The following DSCAM variants were observed in gnomAD, a reference collection of about 807,000 sequenced individuals.
DSCAM encodes the protein DS cell adhesion molecule, also known as cell adhesion molecule DSCAM.
In DSCAM, 47 loss-of-function variants were observed where a neutral mutation model predicts 217.7. The ratio of observed to expected loss-of-function variants is 0.22; its 90% CI spans 0.17 to 0.28. DSCAM has a LOEUF of 0.28. Among genes scored for constraint, DSCAM ranks in the 10% least tolerant of loss-of-function variants. The pLI is 1.00. For synonymous variants in DSCAM, 1,056 were observed against 1,015.3 expected, an observed-to-expected ratio of 1.04 and a Z score of -0.76; for missense variants, 2,080 against 2,618.3, an observed-to-expected ratio of 0.79 and a Z score of 4.49.
At chr21:40,613,316 A>G (rs1227707553) in intron 3 of DSCAM, among the ~76,000 whole-genome samples, 1 of 152,204 alleles carries the variant, frequency 6.6e-6, no homozygotes. Context: ...ACATTTGTCT[A>G]TGGTTTGTGC....
chr21:40,022,609 G>C (rs901578175), intron 32 of DSCAM, among the ~76,000 whole-genome samples: 2 of 152,144 alleles, frequency 1.3e-5, no homozygotes, highest in African/African-American at 2.4e-5. Context: ...TTTCTCCATT[G>C]GCACCCGCTG....
chr21:40,153,131 T>G (rs1329185873), intron 16 of DSCAM, among the ~76,000 whole-genome samples: 1 of 152,234 alleles, frequency 6.6e-6, no homozygotes, highest in Non-Finnish European at 1.5e-5. Context: ...GTGCGTTTTC[T>G]GCAGCCTCCC....
chr21:40,562,625 A>T (rs1347892449), intron 3 of DSCAM, among the ~76,000 whole-genome samples: 1 of 152,218 alleles, frequency 6.6e-6, no homozygotes, highest in Non-Finnish European at 1.5e-5. Context: ...TGAAAATAAC[A>T]GCTCATTAGA....
At chr21:40,558,470 T>C (rs1484734010) in intron 3 of DSCAM, among the ~76,000 whole-genome samples, 2 of 150,360 alleles carry the variant, frequency 1.3e-5, no homozygotes, top group Non-Finnish European at 3.0e-5. Context: ...AAAAAAATTA[T>C]CTAAGTTAAT....
At chr21:40,541,826 G>T (rs1331614838) in intron 3 of DSCAM, among the ~76,000 whole-genome samples, 3 of 152,122 alleles carry the variant, frequency 2.0e-5, no homozygotes, top group Admixed American at 1.3e-4. Context: ...AAAATGTATT[G>T]CACTGAAAGT....
intron 3 of DSCAM, among the ~76,000 whole-genome samples, chr21:40,656,337 C>G (rs2090076008): frequency 6.6e-6 from 1 of 152,100 alleles, no homozygotes; most frequent in Non-Finnish European, 1.5e-5. Flanking sequence ...CTTCAAAATC[C>G]TAATGTGAAA....
In DSCAM at chr21:40,821,097, T is replaced by G. The variant is rs530355273; in HGVS notation, c.43+25522A>C. Among the ~76,000 whole-genome samples the G allele has an allele frequency of 2.7e-3, 396 of 145,276 alleles. 1 individual carries two copies. The highest frequency in any genetic ancestry group is 9.2e-3 in the South Asian group (42 of 4,544). On this transcript the variant is annotated intron_variant, in intron 1 of 32. Transcript: ENST00000400454. Reference sequence around the variant, plus strand: ...ATAGATCTTCACATATATAGAGAGATATATATATCTTCACATATATATAGA... The same window carrying G: ...ATAGATCTTCACATATATAGAGAGAGATATATATCTTCACATATATATAGA...
rs200372759 is a variant in DSCAM at position 40,496,737 on chromosome 21, T to C, written c.509-127492A>G. Among the ~76,000 whole-genome samples the C allele has an allele frequency of 1.2e-4, 18 of 152,186 alleles. No individual in the cohort carries two copies. In the East Asian group the frequency reaches 3.5e-3, roughly 29 times the overall value. ...AATAAGAGAATATATTTTCAAGCCA[T>C]ATGTCTGATAAGGGATTAATATCTA... On this transcript the variant is annotated intron_variant, in intron 3 of 32. Transcript: ENST00000400454.
intron 3 of DSCAM, among the ~76,000 whole-genome samples, chr21:40,483,104 A>C (rs1021430838): frequency 1.6e-4 from 25 of 152,246 alleles, no homozygotes; most frequent in African/African-American, 5.8e-4. Flanking sequence ...TGTCCCACGC[A>C]ATTCTTCTGC....
chr21:40,548,134 T>A (rs2076598834), intron 3 of DSCAM, among the ~76,000 whole-genome samples: 1 of 152,220 alleles, frequency 6.6e-6, no homozygotes, highest in Non-Finnish European at 1.5e-5. Flanking sequence ...GATGAGTTCA[T>A]AACAGTTTCT....
intron 10 of DSCAM, among the ~76,000 whole-genome samples, chr21:40,284,698 A>G (rs974412845): frequency 1.3e-5 from 2 of 152,182 alleles, no homozygotes; most frequent in Non-Finnish European, 2.9e-5. Context: ...CTTAGTTCCT[A>G]CACTTCTCAG....
chr21:40,515,247 T>C (rs181649927), intron 3 of DSCAM, among the ~76,000 whole-genome samples: 4 of 152,320 alleles, frequency 2.6e-5, no homozygotes, highest in Admixed American at 2.6e-4. Flanking sequence ...TGCCTAAAGC[T>C]ATAGACTACA....
intron 10 of DSCAM, among the ~76,000 whole-genome samples, chr21:40,286,493 C>T (rs2073825653): frequency 6.6e-6 from 1 of 152,198 alleles, no homozygotes; most frequent in African/African-American, 2.4e-5. Context: ...CCTGAAAACT[C>T]AGTATCATCC....
chr21:40,683,131 T>TA (rs2090433042), intron 3 of DSCAM, among the ~76,000 whole-genome samples: 1 of 152,078 alleles, frequency 6.6e-6, no homozygotes, highest in African/African-American at 2.4e-5. Context: ...TATAAGGAAA[T>TA]AAATTGCTGT....
At chr21:40,150,937 A>T (rs924422581) in intron 16 of DSCAM, among the ~76,000 whole-genome samples, 1 of 152,212 alleles carries the variant, frequency 6.6e-6, no homozygotes, top group African/African-American at 2.4e-5. Context: ...ATGGTGGGGT[A>T]AGAAGAAAAG....
intron 3 of DSCAM, among the ~76,000 whole-genome samples, chr21:40,610,156 G>T (rs948714460): frequency 3.3e-5 from 5 of 152,166 alleles, no homozygotes; most frequent in Non-Finnish European, 7.3e-5. Flanking sequence ...CATCAAAAAT[G>T]AAATTCAGAA....
chr21:40,417,260 T>C (rs2075380989), intron 3 of DSCAM, among the ~76,000 whole-genome samples: 4 of 152,218 alleles, frequency 2.6e-5, no homozygotes, highest in Admixed American at 2.0e-4. Flanking sequence ...CTTAAAGTTT[T>C]AGGGTACATG....
At chr21:40,165,388 CAGTT>C (rs2090583763) in intron 16 of DSCAM, among the ~76,000 whole-genome samples, 2 of 152,204 alleles carry the variant, frequency 1.3e-5, no homozygotes, top group African/African-American at 4.8e-5. Context: ...CCTCATTAGT[CAGTT>C]AGATCACCGG....
intron 3 of DSCAM, among the ~76,000 whole-genome samples, chr21:40,591,464 C>A (rs1008013263): frequency 2.6e-5 from 4 of 152,014 alleles, no homozygotes; most frequent in South Asian, 2.1e-4. Context: ...CCTTACCATT[C>A]GATATAAGTA....
Sources: gnomAD v4.1 joint callset for allele counts (sites outside exome capture counted in the v4.1 genomes callset) on GRCh38, gnomAD v4.1.1 for gene constraint, MANE v1.5 for transcripts, NCBI Gene and HGNC (gene_info 2026-07-23, HGNC 2026-07-21) for gene names.